Variants in ATP11C observed in about 807,000 individuals in gnomAD.
ATP11C encodes ATPase phospholipid transporting 11C (ATP11C blood group), also known as phospholipid-transporting ATPase IG.
Under a neutral mutation model 97.4 loss-of-function variants are expected in ATP11C, and 36 were observed. The ratio of observed to expected loss-of-function variants is 0.37; its 90% CI spans 0.28 to 0.49. ATP11C has a LOEUF of 0.49. Among genes scored for constraint, ATP11C ranks in the 20% least tolerant of loss-of-function variants. ATP11C has a pLI of 0.98. For synonymous variants in ATP11C, 275 were observed against 290.9 expected (o/e 0.95, Z 0.56); for missense variants, 730 against 824.6 (o/e 0.89, Z 1.40).
At chrX:139,729,051 T>G in intron 29 of ATP11C, 89 bp from the exon 30 acceptor site, 1 of 730,084 alleles carries the variant, frequency 1.4e-6, no homozygotes, top group Non-Finnish European at 2.0e-6. Flanking sequence ...AGTAGTAAAT[T>G]TTGTTATGAG....
intron 24 of ATP11C, 62 bp from the exon 25 acceptor site, chrX:139,745,919 T>C (rs899408661): frequency 4.0e-5 from 44 of 1,111,397 alleles, no homozygotes; most frequent in Non-Finnish European, 5.3e-5. Flanking sequence ...TACAGTGAAA[T>C]GTCAAAGGTG....
chrX:139,797,742 C>A (rs745422265), intron 10 of ATP11C, among the ~76,000 whole-genome samples: 215 of 111,403 alleles, frequency 1.9e-3, no homozygotes, highest in Non-Finnish European at 3.5e-3. Context: ...GGTGTAGGTT[C>A]TTTCAGTTTA....
chrX:139,932,210 G>T lies in ATP11C; in HGVS notation c.-168C>A. ...CCCCCTCGGCTCTCCGCGCTCCCCC[G>T]CCCCCCAGCCGCCCGCAGCCTAGCC... On this transcript the variant is annotated 5_prime_UTR_variant, in exon 1 of 30. Transcript: ENST00000682941. The T allele has an allele frequency of 4.3e-6, 1 of 231,850 alleles. No homozygotes were observed. The highest frequency in any genetic ancestry group is 6.2e-6 in the Non-Finnish European group (1 of 161,897). 19.1% of individuals were successfully genotyped at this position (231,850 alleles called of 1,213,427 possible). A position where few individuals can be genotyped will look rare whatever the true frequency, so the allele number is the denominator to read the frequency against.
At position 139,729,108 on chromosome X, in the gene ATP11C, G is replaced by C. The variant is rs112050885; in HGVS notation, c.*4-146C>G. On this transcript the variant is annotated intron_variant, in intron 29 of 29. Coordinates refer to ENST00000682941, the MANE Select transcript of ATP11C (RefSeq NM_001353812.2). Reference sequence around the variant, plus strand: ...AAGTGCCAAGTTTTATTCACATGCAGGGGAAAAAAAGAGTGACACTATAAC... The same window carrying C: ...AAGTGCCAAGTTTTATTCACATGCACGGGAAAAAAAGAGTGACACTATAAC... 1.5e-3 allele frequency: 611 copies of C among 417,276 alleles called. 2 individuals carry two copies. The highest frequency in any genetic ancestry group is 0.011 in the African/African-American group (448 of 40,181). 34.4% of individuals were successfully genotyped at this position (417,276 alleles called of 1,213,427 possible). A position where few individuals can be genotyped will look rare whatever the true frequency, so the allele number is the denominator to read the frequency against.
chrX:139,801,504 C>T (rs191220482), intron 7 of ATP11C, among the ~76,000 whole-genome samples: 1 of 112,067 alleles, frequency 8.9e-6, no homozygotes, highest in African/African-American at 3.2e-5. Flanking sequence ...CTTGGTCACT[C>T]ATTATGACTA....
At chrX:139,919,444 A>AACAC (rs370999462) in intron 1 of ATP11C, among the ~76,000 whole-genome samples, 1,732 of 73,894 alleles carry the variant, frequency 0.023, 37 homozygotes, top group African/African-American at 0.052. Flanking sequence ...CTCAAACTTA[A>AACAC]ACACACACAC....
chrX:139,747,702 C>G (rs1205092033), intron 24 of ATP11C, among the ~76,000 whole-genome samples: 2 of 111,888 alleles, frequency 1.8e-5, no homozygotes, highest in Non-Finnish European at 3.8e-5. Flanking sequence ...AAGGTAAAAT[C>G]TATAATACAC....
rs571724082 is a variant in ATP11C, at chrX:139,741,126, C to T, written c.3031-32G>A. 233 of 961,093 alleles carry T rather than the reference C, an allele frequency of 2.4e-4. 3 individuals are homozygous for T. In the South Asian group the frequency reaches 4.3e-3, roughly 18 times the overall value. 79.2% of individuals were successfully genotyped at this position (961,093 alleles called of 1,213,427 possible). On this transcript the variant is annotated intron_variant, in intron 26 of 29. Transcript: ENST00000682941. Reference sequence around the variant, plus strand: ...AGATACAACACAAAAGATTTCACGACGGTTACGAATTGCACCAGGCAATAC... The same window carrying T: ...AGATACAACACAAAAGATTTCACGATGGTTACGAATTGCACCAGGCAATAC...
intron 23 of ATP11C, among the ~76,000 whole-genome samples, chrX:139,756,395 G>GCCA (rs754262089): frequency 1.8e-5 from 2 of 112,190 alleles, no homozygotes; most frequent in Non-Finnish European, 3.8e-5. Flanking sequence ...AATTAGTTTA[G>GCCA]CCATTGTGGA....
Position 139,864,006 on chromosome X carries a change from GT to G in ATP11C, c.28-37184del, listed in dbSNP as rs1331167558. On this transcript the variant is annotated intron_variant, in intron 1 of 29. Coordinates refer to ENST00000682941, the MANE Select transcript of ATP11C (RefSeq NM_001353812.2). ...TTACACCCTGGAGGTTGAGGCTGCA[GT>G]GAGCCGAGATCAAGCCACTGCACTC... Among the ~76,000 whole-genome samples, 7 of 111,130 alleles carry G rather than the reference GT, an allele frequency of 6.3e-5. No homozygotes were observed. In the East Asian group the frequency reaches 1.7e-3, roughly 27 times the overall value.
At chrX:139,889,601 T>G (rs761794302) in intron 1 of ATP11C, among the ~76,000 whole-genome samples, 114 of 112,302 alleles carry the variant, frequency 1.0e-3, no homozygotes, top group South Asian at 2.2e-3. Context: ...AAGAAAAAAG[T>G]TGTGTTACAA....
intron 1 of ATP11C, among the ~76,000 whole-genome samples, chrX:139,852,460 GGGGGGGGGGGGGGGGGGGGGGA>G (rs1285895147): frequency 4.4e-4 from 4 of 9,010 alleles, no homozygotes; most frequent in Middle Eastern, 0.016. Flanking sequence ...TGCGGGGGGG[GGGGGGGGGGGGGGGGGGGGGGA>G]ACTGGCCAGC....
chrX:139,861,477 T>C (rs1027419344), intron 1 of ATP11C, among the ~76,000 whole-genome samples: 1 of 111,352 alleles, frequency 9.0e-6, no homozygotes, highest in Non-Finnish European at 1.9e-5. Flanking sequence ...ATTTAACATT[T>C]AATGAAGACT....
intron 1 of ATP11C, among the ~76,000 whole-genome samples, chrX:139,907,296 G>C (rs760340881): frequency 1.7e-3 from 186 of 111,516 alleles, no homozygotes; most frequent in Non-Finnish European, 2.4e-3. Flanking sequence ...TTTCTCCAAT[G>C]GCATGTGCGC....
chrX:139,733,775 G>A (rs751123286), intron 28 of ATP11C, among the ~76,000 whole-genome samples: 5 of 111,848 alleles, frequency 4.5e-5, no homozygotes, highest in African/African-American at 6.5e-5. Flanking sequence ...CTGTAAGCAC[G>A]TTTTGGTGTG....
At chrX:139,822,423 GTTTT>G (rs112205119) in intron 2 of ATP11C, among the ~76,000 whole-genome samples, 22 of 91,781 alleles carry the variant, frequency 2.4e-4, no homozygotes, top group African/African-American at 7.9e-4. Context: ...TTGTTTGTTT[GTTTT>G]TTTTGAGACA....
chrX:139,757,529 G>A (rs778151669), intron 23 of ATP11C, among the ~76,000 whole-genome samples: 1 of 111,154 alleles, frequency 9.0e-6, no homozygotes. Context: ...TAACATTTTA[G>A]AATTATGAAA....
intron 26 of ATP11C, 61 bp from the exon 27 acceptor site, chrX:139,741,155 A>C: frequency 1.5e-6 from 1 of 675,851 alleles, no homozygotes; most frequent in Non-Finnish European, 2.4e-6. Context: ...GCAATACGCT[A>C]TAGTATCTGA....
chrX:139,804,441 A>C, intron 6 of ATP11C, 30 bp downstream of exon 6: 1 of 1,173,208 alleles, frequency 8.5e-7, no homozygotes, highest in Middle Eastern at 2.4e-4. Context: ...TCCTGAGATC[A>C]AAATGTTTAG....
Sources: gnomAD v4.1 joint callset for allele counts (sites outside exome capture counted in the v4.1 genomes callset) on GRCh38, gnomAD v4.1.1 for gene constraint, MANE v1.5 for transcripts, NCBI Gene and HGNC (gene_info 2026-07-23, HGNC 2026-07-21) for gene names.